PKHD1: variants seen among roughly 807,000 people sequenced by gnomAD.
PKHD1 encodes the protein PKHD1 ciliary IPT domain containing fibrocystin/polyductin.
PKHD1 carries 291 observed loss-of-function variants against 412.0 expected under a neutral mutation model. That is an observed-to-expected ratio of 0.71 (90% CI 0.64 to 0.78). PKHD1 has a LOEUF of 0.78. PKHD1 is among the 30% of genes least tolerant of loss of function. The pLI is 0.00. For missense variants in PKHD1, 4,825 were observed against 4,950.7 expected (o/e 0.97, Z 0.76); for synonymous variants, 1,777 against 1,821.5 (o/e 0.98, Z 0.62).
At chr6:51,928,182 C>G (rs1452025734) in intron 37 of PKHD1, among the ~76,000 whole-genome samples, 1 of 152,076 alleles carries the variant, frequency 6.6e-6, no homozygotes, top group Non-Finnish European at 1.5e-5. Flanking sequence ...CAAGTTGAAG[C>G]TTTGTGGGTG....
At chr6:52,086,997 A>C (rs1399640124) in intron 1 of PKHD1, among the ~76,000 whole-genome samples, 1 of 152,146 alleles carries the variant, frequency 6.6e-6, no homozygotes, top group East Asian at 1.9e-4. Flanking sequence ...ATTTCTTCTT[A>C]ATGCCTACTC....
rs746304694 is a variant in PKHD1, at chr6:52,057,008, A to T, written c.1513-29T>A. On this transcript the variant is annotated intron_variant, in intron 16 of 66. Coordinates refer to ENST00000371117, the MANE Select transcript of PKHD1 (RefSeq NM_138694.4). Reference sequence around the variant, plus strand: ...AAAAAGTCAAGACAGACAAGACTAAATGATGGTGCTAATTAAGCCAGAGAG... The same window carrying T: ...AAAAAGTCAAGACAGACAAGACTAATTGATGGTGCTAATTAAGCCAGAGAG... 4 of 1,424,402 alleles carry T rather than the reference A, an allele frequency of 2.8e-6. No homozygotes were observed. The East Asian group carries it at 9.1e-5, about 32-fold the overall frequency. The allele number at this position is 1,424,402 out of a possible 1,614,324, so 88.2% of individuals were successfully genotyped here. A position where few individuals can be genotyped will look rare whatever the true frequency, so the allele number is the denominator to read the frequency against.
At chr6:51,900,673 G>T (rs1366763277) in intron 43 of PKHD1, among the ~76,000 whole-genome samples, 1 of 151,710 alleles carries the variant, frequency 6.6e-6, no homozygotes, top group African/African-American at 2.4e-5. Context: ...TGACAAATGG[G>T]ATCTAATTAA....
At chr6:51,903,548 C>T in intron 43 of PKHD1, 49 bp downstream of exon 43, 2 of 1,574,840 alleles carry the variant, frequency 1.3e-6, no homozygotes, top group South Asian at 1.1e-5. Context: ...TGAGAAAGAA[C>T]TTTATGCCCT....
intron 61 of PKHD1, among the ~76,000 whole-genome samples, chr6:51,656,154 T>A (rs920975005): frequency 1.3e-5 from 2 of 152,132 alleles, no homozygotes; most frequent in Non-Finnish European, 2.9e-5. Flanking sequence ...TGGAATGCTA[T>A]GCAGTCATAA....
At chr6:51,722,091 T>C (rs1162082609) in intron 60 of PKHD1, 1 of 1,611,528 alleles carries the variant, frequency 6.2e-7, no homozygotes, top group African/African-American at 1.3e-5. Flanking sequence ...CCTTCTTTTC[T>C]TCTCGGCATG....
intron 36 of PKHD1, among the ~76,000 whole-genome samples, chr6:51,959,096 G>A (rs915503829): frequency 6.6e-6 from 1 of 151,992 alleles, no homozygotes; most frequent in Non-Finnish European, 1.5e-5. Context: ...ATCTTAATAA[G>A]GATGAATGTT....
intron 58 of PKHD1, 147 bp downstream of exon 58, chr6:51,747,640 C>G: frequency 1.5e-6 from 1 of 681,102 alleles, no homozygotes. Flanking sequence ...TTATAAACTA[C>G]CATTGTGGCT....
chr6:52,014,263 T>C (rs1372792310), intron 34 of PKHD1, among the ~76,000 whole-genome samples: 1 of 152,220 alleles, frequency 6.6e-6, no homozygotes, highest in African/African-American at 2.4e-5. Context: ...CTTCGTAACA[T>C]AAAAGACTTC....
chr6:51,619,609 A>C, intron 66 of PKHD1, 89 bp from the exon 67 acceptor site: 2 of 1,051,450 alleles, frequency 1.9e-6, no homozygotes, highest in Non-Finnish European at 2.9e-6. Flanking sequence ...CTGACAAGAT[A>C]TTGTCAAATC....
At chr6:51,744,261 C>G in intron 60 of PKHD1, 124 bp downstream of exon 60, 1 of 853,478 alleles carries the variant, frequency 1.2e-6, no homozygotes, top group Non-Finnish European at 2.0e-6. Context: ...CAGATTAGCA[C>G]AGACTCCAAC....
Position 51,618,326 on chromosome 6 carries a change from G to T in PKHD1, c.*755C>A, listed in dbSNP as rs912995111. ...TAAATGTGACCCAGCTACTAACAGA[G>T]AGAATCACTGAAAAATAGAACAGTG... is the stretch of plus-strand genomic sequence containing the variant. On this transcript the variant is annotated 3_prime_UTR_variant, in exon 67 of 67. Coordinates refer to ENST00000371117, the MANE Select transcript of PKHD1 (RefSeq NM_138694.4). 3.9e-5 allele frequency: 6 copies of T among 152,134 alleles called. No homozygotes were observed. Among genetic ancestry groups the T allele is most frequent in the Non-Finnish European group, 8.8e-5 (6 of 68,074 alleles). The allele number at this position is 152,134 out of a possible 1,614,324, so 9.4% of individuals were successfully genotyped here. A position where few individuals can be genotyped will look rare whatever the true frequency, so the allele number is the denominator to read the frequency against.
intron 25 of PKHD1, 60 bp from the exon 26 acceptor site, chr6:52,043,790 T>C (rs1370690066): frequency 1.7e-6 from 2 of 1,181,448 alleles, no homozygotes; most frequent in Non-Finnish European, 2.5e-6. Flanking sequence ...AGGGTATTCA[T>C]AAAGTATATG....
At chr6:51,704,941 T>G (rs1028126697) in intron 60 of PKHD1, among the ~76,000 whole-genome samples, 18 of 151,862 alleles carry the variant, frequency 1.2e-4, no homozygotes, top group African/African-American at 4.1e-4. Context: ...GAGGTATAGG[T>G]AGAAGAGGAT....
rs186046991 is a variant in PKHD1 at position 51,837,557 on chromosome 6, C to T, written c.8108-1088G>A. Among the ~76,000 whole-genome samples the T allele has an allele frequency of 1.1e-4, 17 of 151,928 alleles. No homozygotes were observed. In the East Asian group the frequency reaches 1.9e-3, roughly 17 times the overall value. On this transcript the variant is annotated intron_variant, in intron 50 of 66. Coordinates refer to ENST00000371117, the MANE Select transcript of PKHD1 (RefSeq NM_138694.4). ...CCCATCTCTACTAAAAACACAAAAA[C>T]TAGCCATGCGTACTGGTGCACTCCT...
chr6:51,998,643 G>A (rs1323235270), intron 35 of PKHD1, among the ~76,000 whole-genome samples: 2 of 151,890 alleles, frequency 1.3e-5, no homozygotes, highest in Non-Finnish European at 2.9e-5. Flanking sequence ...TGCCTTTCCT[G>A]TTGTTTATTT....
In PKHD1 at chr6:52,028,283, C is replaced by T. The variant is rs147035447; in HGVS notation, c.3433G>A (p.Val1145Ile). 4.1e-5 allele frequency: 66 copies of T among 1,613,952 alleles called. No individual in the cohort carries two copies. The highest frequency in any genetic ancestry group is 1.6e-4 in the Middle Eastern group (1 of 6,074). The part of the protein sequence containing the change: ...NYTDLDVEVH[V>I]QDALAPVHTQ... ...TGAACCGGAGCCAAGGCATCCTGGA[C>T]GTGGACTTCCACATCCAAATCCGTA... The change falls in exon 30 of 67, where the codon GTC (valine) becomes ATC (isoleucine). Residue 1145 changes from valine to isoleucine, a missense_variant. Transcript: ENST00000371117.
In PKHD1 at chr6:51,930,289, A is replaced by C. The variant is rs938516831; in HGVS notation, c.6121+3821T>G. Among the ~76,000 whole-genome samples the C allele has an allele frequency of 2.6e-5, 4 of 152,300 alleles. No individual in the cohort carries two copies. The East Asian group carries it at 7.7e-4, about 29-fold the overall frequency. ...TAACGCATCAAAGTGAGCAGCTGAC[A>C]GAAGTTACTAAACAATCTGAACTCC... On this transcript the variant is annotated intron_variant, in intron 37 of 66. Transcript: ENST00000371117.
rs372633974 is a variant in PKHD1, at chr6:51,908,545, T to C, written c.6682+738A>G. Among the ~76,000 whole-genome samples the C allele has an allele frequency of 8.5e-5, 13 of 152,318 alleles. No individual in the cohort carries two copies. The East Asian group carries it at 1.7e-3, about 20-fold the overall frequency. On this transcript the variant is annotated intron_variant, in intron 40 of 66. Coordinates refer to ENST00000371117, the MANE Select transcript of PKHD1 (RefSeq NM_138694.4). ...TCTGCACCCCCATTCTGTGATTCTCTGCATGTCAGCTTTTGGTAATGAGTT... is the reference window on the plus strand; with the variant it reads ...TCTGCACCCCCATTCTGTGATTCTCCGCATGTCAGCTTTTGGTAATGAGTT...
Sources: allele counts gnomAD v4.1 joint callset (sites outside exome capture counted in the v4.1 genomes callset), GRCh38; gene constraint gnomAD v4.1.1; transcripts MANE v1.5; gene names NCBI Gene and HGNC (gene_info 2026-07-23, HGNC 2026-07-21).